ATP8A2: variants seen among roughly 807,000 people sequenced by gnomAD.
ATP8A2 encodes phospholipid-transporting ATPase IB.
A neutral mutation model predicts 165.6 loss-of-function variants in ATP8A2; 100 were observed. That is an observed-to-expected ratio of 0.60 (90% CI 0.51 to 0.71). The LOEUF (loss-of-function observed/expected upper bound fraction) is 0.71. Ranked by LOEUF, ATP8A2 falls within the 30% of genes least tolerant of loss-of-function variation. The pLI is 0.00. For synonymous variants in ATP8A2, 543 were observed against 548.8 expected (o/e 0.99, Z 0.15); for missense variants, 1,227 against 1,479.5 (o/e 0.83, Z 2.80).
Position 25,578,886 on chromosome 13 carries a change from C to A in ATP8A2, c.1854C>A (p.Tyr618Ter). 1.2e-6 allele frequency: 2 copies of A among 1,609,504 alleles called. No homozygotes were observed. The highest frequency in any genetic ancestry group is 1.7e-6 in the Non-Finnish European group (2 of 1,175,940). ...AGGAAACATTATGCCATCTGGAATA[C>A]TTTGCCACGGAAGGTAAGTGGAATT... ...YMEETLCHLE[Y>*]FATEGLRTLC... Residue 618 changes from tyrosine to a stop codon, truncating the protein, a stop_gained, in exon 21 of 37, where the codon TAC (tyrosine) becomes TAA (stop). Coordinates refer to ENST00000381655, the MANE Select transcript of ATP8A2 (RefSeq NM_016529.6). LOFTEE classifies it high-confidence loss of function.
intron 1 of ATP8A2, among the ~76,000 whole-genome samples, chr13:25,448,046 G>T (rs902871077): frequency 6.6e-6 from 1 of 152,144 alleles, no homozygotes; most frequent in East Asian, 1.9e-4. Flanking sequence ...GATGGGGTGT[G>T]GTGTGCCAAA....
intron 2 of ATP8A2, among the ~76,000 whole-genome samples, chr13:25,526,840 G>T (rs2037857283): frequency 6.6e-6 from 1 of 152,202 alleles, no homozygotes; most frequent in Admixed American, 6.5e-5. Context: ...TGCTTCCTGT[G>T]AGTTGAGGTA....
At chr13:25,439,791 C>T (rs1185911666) in intron 1 of ATP8A2, among the ~76,000 whole-genome samples, 3 of 151,950 alleles carry the variant, frequency 2.0e-5, no homozygotes, top group African/African-American at 7.3e-5. Context: ...CTGTAGTCCC[C>T]AGCTACTTGG....
chr13:25,386,953 C>G (rs1038690956), intron 1 of ATP8A2, among the ~76,000 whole-genome samples: 3 of 124,016 alleles, frequency 2.4e-5, no homozygotes, highest in African/African-American at 7.8e-5. Flanking sequence ...GCCGAGATCG[C>G]GCCCTTGCAC....
At chr13:25,917,625 AT>A (rs1177059126) in intron 33 of ATP8A2, among the ~76,000 whole-genome samples, 3 of 152,234 alleles carry the variant, frequency 2.0e-5, no homozygotes, top group Non-Finnish European at 4.4e-5. Context: ...ACTCTACTGC[AT>A]TAGGAAGTAC....
intron 32 of ATP8A2, among the ~76,000 whole-genome samples, chr13:25,861,162 CA>C (rs1465456648): frequency 1.3e-5 from 2 of 152,058 alleles, no homozygotes; most frequent in African/African-American, 2.4e-5. Context: ...TATAGAAGGA[CA>C]AAAAACATTT....
intron 2 of ATP8A2, among the ~76,000 whole-genome samples, chr13:25,495,052 C>G (rs2036632992): frequency 6.6e-6 from 1 of 152,212 alleles, no homozygotes; most frequent in African/African-American, 2.4e-5. Flanking sequence ...ACCTCCCAAA[C>G]CAAACACCTA....
At chr13:25,399,813 C>T (rs1176947484) in intron 1 of ATP8A2, among the ~76,000 whole-genome samples, 6 of 149,318 alleles carry the variant, frequency 4.0e-5, no homozygotes, top group East Asian at 2.0e-4. Flanking sequence ...CTTCTCCTTC[C>T]TACTCTTCCT....
At chr13:26,018,316 C>T (rs914916447) in intron 36 of ATP8A2, among the ~76,000 whole-genome samples, 1 of 152,230 alleles carries the variant, frequency 6.6e-6, no homozygotes, top group African/African-American at 2.4e-5. Flanking sequence ...AAAGTCTCCT[C>T]CTCTTCTCCA....
At chr13:25,909,567 G>A (rs983306769) in intron 33 of ATP8A2, among the ~76,000 whole-genome samples, 7 of 152,150 alleles carry the variant, frequency 4.6e-5, no homozygotes, top group Admixed American at 1.3e-4. Flanking sequence ...CCTAAAATAC[G>A]TAATACAATA....
At chr13:25,409,813 G>C (rs985042547) in intron 1 of ATP8A2, among the ~76,000 whole-genome samples, 20 of 151,806 alleles carry the variant, frequency 1.3e-4, no homozygotes. Context: ...TCGTGGTTAG[G>C]GTATAGTCTG....
At chr13:25,861,255 A>T (rs1032839570) in intron 32 of ATP8A2, among the ~76,000 whole-genome samples, 1 of 152,100 alleles carries the variant, frequency 6.6e-6, no homozygotes, top group African/African-American at 2.4e-5. Flanking sequence ...CTATGTCTGC[A>T]TGTGTGTGTA....
chr13:25,946,573 C>T (rs1955218721), intron 33 of ATP8A2, among the ~76,000 whole-genome samples: 1 of 152,178 alleles, frequency 6.6e-6, no homozygotes, highest in African/African-American at 2.4e-5. Flanking sequence ...CTTAATTCCA[C>T]TCTCCTCAAA....
intron 2 of ATP8A2, among the ~76,000 whole-genome samples, chr13:25,518,580 C>A (rs927875051): frequency 6.6e-6 from 1 of 152,186 alleles, no homozygotes. Context: ...GGAAGTTACA[C>A]TTTGAGCAGC....
chr13:25,704,946 T>C (rs1255006881), intron 25 of ATP8A2, among the ~76,000 whole-genome samples: 9 of 152,220 alleles, frequency 5.9e-5, no homozygotes, highest in Non-Finnish European at 1.3e-4. Flanking sequence ...TTATTACTGA[T>C]AATACAGTTT....
chr13:25,714,729 G>A (rs2043220178), intron 25 of ATP8A2, among the ~76,000 whole-genome samples: 1 of 152,204 alleles, frequency 6.6e-6, no homozygotes, highest in African/African-American at 2.4e-5. Context: ...GAACAGTGGT[G>A]ATTGTAACTA....
chr13:25,659,263 T>C (rs1290158641), intron 24 of ATP8A2, among the ~76,000 whole-genome samples: 1 of 152,206 alleles, frequency 6.6e-6, no homozygotes, highest in Non-Finnish European at 1.5e-5. Context: ...TCGATTGTGC[T>C]GATTATGATC....
intron 23 of ATP8A2, among the ~76,000 whole-genome samples, chr13:25,588,773 ACC>A (rs562464642): frequency 3.2e-4 from 48 of 152,216 alleles, no homozygotes; most frequent in African/African-American, 1.1e-3. Context: ...GTCGTCGCTA[ACC>A]CCCCAAGGCA....
chr13:25,660,200 A>G (rs2042019091), intron 24 of ATP8A2, among the ~76,000 whole-genome samples: 1 of 152,164 alleles, frequency 6.6e-6, no homozygotes, highest in Non-Finnish European at 1.5e-5. Context: ...TTATATTTGA[A>G]TGCCTCCTCA....
Sources: gnomAD v4.1 joint callset for allele counts (sites outside exome capture counted in the v4.1 genomes callset) on GRCh38, gnomAD v4.1.1 for gene constraint, MANE v1.5 for transcripts, NCBI Gene and HGNC (gene_info 2026-07-23, HGNC 2026-07-21) for gene names.